PPP1R9A: variants seen among roughly 807,000 people sequenced by gnomAD.
The protein encoded by PPP1R9A is protein phosphatase 1 regulatory subunit 9A, also known as neurabin-1.
PPP1R9A carries 59 observed loss-of-function variants against 141.9 expected under a neutral mutation model. That is an observed-to-expected ratio of 0.42 (90% CI 0.34 to 0.52). PPP1R9A has a LOEUF of 0.52. Among genes scored for constraint, PPP1R9A ranks in the 20% least tolerant of loss-of-function variants. The pLI is 0.10. For synonymous variants in PPP1R9A, 500 were observed against 569.7 expected (o/e 0.88, Z 1.74); for missense variants, 1,444 against 1,611.9 (o/e 0.90, Z 1.78).
intron 2 of PPP1R9A, among the ~76,000 whole-genome samples, chr7:95,080,074 G>T (rs942851237): frequency 0.024 from 3,674 of 152,194 alleles, 160 homozygotes; most frequent in African/African-American, 0.084. Flanking sequence ...CATAGTGTTG[G>T]AAGTTCTGGC....
At chr7:95,159,165 T>C (rs1055718350) in intron 4 of PPP1R9A, among the ~76,000 whole-genome samples, 2 of 152,166 alleles carry the variant, frequency 1.3e-5, no homozygotes, top group Non-Finnish European at 2.9e-5. Context: ...AATGAATAAA[T>C]ACATTTTGGC....
chr7:94,966,306 T>C (rs1333314903), intron 2 of PPP1R9A, among the ~76,000 whole-genome samples: 1 of 152,190 alleles, frequency 6.6e-6, no homozygotes, highest in Admixed American at 6.5e-5. Context: ...TCTTCCTGTG[T>C]GAATACCTTT....
intron 2 of PPP1R9A, among the ~76,000 whole-genome samples, chr7:94,987,689 G>A (rs966433864): frequency 6.6e-6 from 1 of 151,956 alleles, no homozygotes; most frequent in African/African-American, 2.4e-5. Flanking sequence ...ATGTAAAAAT[G>A]TTTTATAAAA....
At chr7:95,164,767 A>T (rs1360565310) in intron 5 of PPP1R9A, among the ~76,000 whole-genome samples, 3 of 86,074 alleles carry the variant, frequency 3.5e-5, no homozygotes, top group African/African-American at 4.7e-5. Context: ...TTTTTCAGGC[A>T]TGGCCTATTT....
At chr7:94,970,379 G>A (rs1388946843) in intron 2 of PPP1R9A, among the ~76,000 whole-genome samples, 2 of 152,130 alleles carry the variant, frequency 1.3e-5, no homozygotes, top group Non-Finnish European at 2.9e-5. Flanking sequence ...AGTCCCTCAC[G>A]GCTTCACTTG....
chr7:95,034,263 A>G (rs1808127061), intron 2 of PPP1R9A, among the ~76,000 whole-genome samples: 1 of 152,128 alleles, frequency 6.6e-6, no homozygotes, highest in South Asian at 2.1e-4. Context: ...TCTGGTATAC[A>G]AGATTAAAAT....
chr7:95,068,102 A>G (rs773915686), intron 2 of PPP1R9A, among the ~76,000 whole-genome samples: 11 of 152,204 alleles, frequency 7.2e-5, no homozygotes, highest in Non-Finnish European at 1.5e-4. Flanking sequence ...CTAGCCCTCC[A>G]GCAAACTCCT....
chr7:95,151,941 C>CTTTTTTTTTTTTTTTTTTTTT lies in PPP1R9A; in HGVS notation c.1650-9917_1650-9897dup, dbSNP rs1167382285. ...AATGTCAGCACATAGTACTGAGAAT[C>CTTTTTTTTTTTTTTTTTTTTT]TTTTTTTTTTTTTTTTTTTTTTTTT... is the stretch of plus-strand genomic sequence containing the variant. On this transcript the variant is annotated intron_variant, in intron 4 of 19. Transcript: ENST00000433360. Among the ~76,000 whole-genome samples, 4 of 54,446 alleles carry CTTTTTTTTTTTTTTTTTTTTT rather than the reference C, an allele frequency of 7.3e-5. 1 individual carries two copies. The highest frequency in any genetic ancestry group is 3.0e-4 in the Admixed American group (1 of 3,320). The allele number at this position is 54,446 out of a possible 152,430, so 35.7% of individuals were successfully genotyped here.
intron 8 of PPP1R9A, among the ~76,000 whole-genome samples, chr7:95,245,441 G>C (rs747736659): frequency 6.6e-6 from 1 of 152,156 alleles, no homozygotes; most frequent in Non-Finnish European, 1.5e-5. Context: ...CAGGTTGGCT[G>C]TCTTCTCCAA....
intron 2 of PPP1R9A, among the ~76,000 whole-genome samples, chr7:94,994,104 C>T (rs1584169973): frequency 6.6e-6 from 1 of 152,072 alleles, no homozygotes; most frequent in South Asian, 2.1e-4. Flanking sequence ...GACTTAAAGA[C>T]CCAGGGAAAA....
In PPP1R9A at chr7:95,023,798, C is replaced by T. The variant is rs565355329; in HGVS notation, c.1396-87461C>T. 2.0e-3 allele frequency among the ~76,000 whole-genome samples: 299 copies of T among 152,272 alleles called. 2 individuals carry two copies. Among genetic ancestry groups the T allele is most frequent in the African/African-American group, 6.6e-3 (274 of 41,560 alleles). On this transcript the variant is annotated intron_variant, in intron 2 of 19. Transcript: ENST00000433360. ...TAATCTCCTGACCCTGTGATCTGCC[C>T]GCCTTGGCCTCCCAAAGTGTTGGGA...
At chr7:94,956,375 A>C (rs1375259626) in intron 2 of PPP1R9A, among the ~76,000 whole-genome samples, 1 of 152,098 alleles carries the variant, frequency 6.6e-6, no homozygotes, top group African/African-American at 2.4e-5. Flanking sequence ...TTCTATGTAA[A>C]GGTTGATTTC....
chr7:95,082,099 G>A (rs1815935415), intron 2 of PPP1R9A, among the ~76,000 whole-genome samples: 1 of 152,174 alleles, frequency 6.6e-6, no homozygotes, highest in Non-Finnish European at 1.5e-5. Flanking sequence ...ACCTGACTCA[G>A]TGCTAACACG....
At chr7:95,158,195 A>G (rs888504031) in intron 4 of PPP1R9A, among the ~76,000 whole-genome samples, 2 of 152,240 alleles carry the variant, frequency 1.3e-5, no homozygotes, top group Non-Finnish European at 2.9e-5. Flanking sequence ...CATATATTGC[A>G]CTACTTAACT....
intron 2 of PPP1R9A, among the ~76,000 whole-genome samples, chr7:95,052,996 C>G (rs1177109290): frequency 6.6e-6 from 1 of 152,158 alleles, no homozygotes; most frequent in East Asian, 1.9e-4. Context: ...CTCTAGTCTC[C>G]CCTTCTTCCA....
intron 2 of PPP1R9A, among the ~76,000 whole-genome samples, chr7:94,934,577 T>C (rs1794538315): frequency 1.3e-5 from 2 of 151,918 alleles, no homozygotes; most frequent in South Asian, 4.1e-4. Context: ...AAAACAAATA[T>C]AGTCAGAAAT....
In PPP1R9A at chr7:95,141,740, G is replaced by C. The variant is rs77903563; in HGVS notation, c.1650-20127G>C. Among the ~76,000 whole-genome samples the C allele has an allele frequency of 6.0e-3, 916 of 151,948 alleles. 3 individuals carry two copies. Among genetic ancestry groups the C allele is most frequent in the Non-Finnish European group, 9.4e-3 (639 of 67,950 alleles). ...TTGCAAAATAATATTCCATTGACTT[G>C]ATAATACCACATTTAGTTTATTCAT... is the stretch of plus-strand genomic sequence containing the variant. On this transcript the variant is annotated intron_variant, in intron 4 of 19. Coordinates refer to ENST00000433360, the MANE Select transcript of PPP1R9A (RefSeq NM_001166160.2).
intron 2 of PPP1R9A, among the ~76,000 whole-genome samples, chr7:94,914,589 C>T (rs1415322207): frequency 6.6e-6 from 1 of 152,020 alleles, no homozygotes; most frequent in Non-Finnish European, 1.5e-5. Flanking sequence ...AAATTAAAAT[C>T]CAACTTTGAG....
intron 2 of PPP1R9A, among the ~76,000 whole-genome samples, chr7:95,047,908 A>T (rs540377703): frequency 1.3e-5 from 2 of 152,324 alleles, no homozygotes; most frequent in East Asian, 3.9e-4. Flanking sequence ...GTATAAAAAC[A>T]TGCTGGTTAA....
Sources: allele counts gnomAD v4.1 joint callset (sites outside exome capture counted in the v4.1 genomes callset), GRCh38; gene constraint gnomAD v4.1.1; transcripts MANE v1.5; gene names NCBI Gene and HGNC (gene_info 2026-07-23, HGNC 2026-07-21).